Variants in DDHD1 observed in about 807,000 individuals in gnomAD.
The protein encoded by DDHD1 is phospholipase DDHD1.
Under a neutral mutation model 96.4 loss-of-function variants are expected in DDHD1, and 49 were observed. The observed-to-expected ratio is 0.51, with a 90% CI of 0.40 to 0.64. The LOEUF (loss-of-function observed/expected upper bound fraction) is 0.64, where lower values mean the gene tolerates loss of function less well. Ranked by LOEUF, DDHD1 falls within the 30% of genes least tolerant of loss-of-function variation. The pLI, the probability that DDHD1 is intolerant of heterozygous loss-of-function variation, is 0.00. For missense variants in DDHD1, 1,106 were observed against 1,161.2 expected (o/e 0.95, Z 0.69); for synonymous variants, 442 against 446.5 (o/e 0.99, Z 0.13).
At chr14:53,144,292 T>C (rs1890834471) in intron 1 of DDHD1, among the ~76,000 whole-genome samples, 1 of 152,366 alleles carries the variant, frequency 6.6e-6, no homozygotes, top group East Asian at 1.9e-4. Flanking sequence ...TAATAGTGAT[T>C]GGCTATACAA....
In DDHD1 at chr14:53,058,565, C is replaced by T. The variant is rs773246091; in HGVS notation, c.1904G>A (p.Arg635His). Residue 635 changes from arginine (R) to histidine (H), a missense_variant, in exon 9 of 13, where the codon CGC becomes CAC. By Grantham distance (29) the Arg-to-His change is conservative (BLOSUM62 0). Around this residue, in one of 2 missense-constraint regions of DDHD1, gnomAD observed 650 missense variants for 758.8 expected, o/e 0.86. Transcript: ENST00000673822. Reference protein sequence around the residue: ...LAVFLALRGIRPGNTGSQDHI... With the variant: ...LAVFLALRGIHPGNTGSQDHI... ...GTCTTGACTTCCAGTATTTCCTGGG[C>T]GGATGCCACGCAACGCCAAGAAAAC... The T allele has an allele frequency of 2.5e-6, 4 of 1,613,422 alleles. No individual in the cohort carries two copies. Among genetic ancestry groups the T allele is most frequent in the South Asian group, 1.1e-5 (1 of 90,868 alleles).
intron 1 of DDHD1, chr14:53,149,821 A>G (rs976024086): frequency 6.6e-6 from 1 of 152,208 alleles, no homozygotes; most frequent in African/African-American, 2.4e-5. Context: ...ACCAGTTTTC[A>G]CCTGATTTAT....
chr14:53,132,154 C>T lies in DDHD1; in HGVS notation c.838+20107G>A, dbSNP rs1394747053. Among the ~76,000 whole-genome samples, 3 of 152,160 alleles carry T rather than the reference C, an allele frequency of 2.0e-5. No individual in the cohort carries two copies. In the East Asian group the frequency reaches 5.8e-4, roughly 29 times the overall value. ...AAACAGCCCTAAAAGCTGCTCCCCA[C>T]TAGCTCTCCCTAACTCATCCCAACC... On this transcript the variant is annotated intron_variant, in intron 1 of 12. Coordinates refer to ENST00000673822, the MANE Select transcript of DDHD1 (RefSeq NM_001160148.2).
At chr14:53,083,102 C>T (rs1469926082) in intron 4 of DDHD1, among the ~76,000 whole-genome samples, 3 of 152,026 alleles carry the variant, frequency 2.0e-5, no homozygotes, top group Admixed American at 2.0e-4. Flanking sequence ...ACATGTATGT[C>T]CTGTTCAAAA....
chr14:53,090,656 T>C (rs1228591590), intron 4 of DDHD1, among the ~76,000 whole-genome samples: 1 of 152,136 alleles, frequency 6.6e-6, no homozygotes, highest in African/African-American at 2.4e-5. Context: ...TTCTCACTCA[T>C]ATGTGGGAAC....
At chr14:53,073,682 C>T in intron 5 of DDHD1, 59 bp downstream of exon 5, 1 of 1,432,472 alleles carries the variant, frequency 7.0e-7, no homozygotes, top group Non-Finnish European at 9.6e-7. Flanking sequence ...AAACTTTCTG[C>T]ATTTATTTTG....
At position 53,045,824 on chromosome 14, in the gene DDHD1, A is replaced by G. The variant is rs1336263716; in HGVS notation, c.*944T>C. On this transcript the variant is annotated 3_prime_UTR_variant, in exon 13 of 13. Transcript: ENST00000673822. ...AGTTAGTGGCATCACATCCCTTCAT[A>G]TATGTTGTTTGGCACACAAATGTTT... The G allele has an allele frequency of 6.6e-6, 1 of 152,126 alleles. No homozygotes were observed. Among genetic ancestry groups the G allele is most frequent in the Non-Finnish European group, 1.5e-5 (1 of 68,028 alleles). 9.4% of individuals were successfully genotyped at this position (152,126 alleles called of 1,614,324 possible). A position where few individuals can be genotyped will look rare whatever the true frequency, so the allele number is the denominator to read the frequency against.
chr14:53,038,492 A>C lies in DDHD1; in HGVS notation c.*8276T>G, dbSNP rs757995269. The C allele has an allele frequency of 2.6e-5, 4 of 152,214 alleles. No homozygotes were observed. The highest frequency in any genetic ancestry group is 2.0e-4 in the Admixed American group (3 of 15,276). The allele number at this position is 152,214 out of a possible 1,614,324, so 9.4% of individuals were successfully genotyped here. ...GAAAGATCTCTACAAGGAGAACTAC[A>C]AAACATGGCAGAAAGAAATCAGGGA... On this transcript the variant is annotated 3_prime_UTR_variant, in exon 13 of 13. Transcript: ENST00000673822.
intron 4 of DDHD1, among the ~76,000 whole-genome samples, chr14:53,085,597 C>CT (rs552318430): frequency 1.5e-3 from 232 of 152,292 alleles, no homozygotes; most frequent in Middle Eastern, 0.014. Context: ...AAAGGAATAG[C>CT]AGCAGCATCA....
intron 4 of DDHD1, among the ~76,000 whole-genome samples, chr14:53,080,006 C>A (rs1369759110): frequency 6.6e-6 from 1 of 152,082 alleles, no homozygotes; most frequent in Non-Finnish European, 1.5e-5. Flanking sequence ...TAACTACAGC[C>A]TGGCCAAAAA....
rs1890426962 is a variant in DDHD1 at position 53,138,811 on chromosome 14, T to C, written c.838+13450A>G. Among the ~76,000 whole-genome samples the C allele has an allele frequency of 2.0e-5, 3 of 152,118 alleles. 1 individual carries two copies. In the South Asian group the frequency reaches 6.2e-4, roughly 32 times the overall value. On this transcript the variant is annotated intron_variant, in intron 1 of 12. Transcript: ENST00000673822. ...TTCAGACACCAGAGGAAATTACACC[T>C]TGTTGCAGGTTCTTCTCCACAGATA...
Position 53,105,434 on chromosome 14 carries a change from T to A in DDHD1, c.839-1578A>T, listed in dbSNP as rs562143309. On this transcript the variant is annotated intron_variant, in intron 1 of 12. Coordinates refer to ENST00000673822, the MANE Select transcript of DDHD1 (RefSeq NM_001160148.2). The stretch of plus-strand genomic sequence containing the variant: ...TATTGCTACTTGCATTCTCCTATAT[T>A]CTGCTATAGTGATTCTGGTATATTT... 2.6e-4 allele frequency among the ~76,000 whole-genome samples: 39 copies of A among 152,298 alleles called. No homozygotes were observed. The South Asian group carries it at 5.8e-3, about 23-fold the overall frequency.
In DDHD1 at chr14:53,050,064, T is replaced by C. The variant is rs77093238; in HGVS notation, c.2521+1780A>G. Among the ~76,000 whole-genome samples, 40 of 152,288 alleles carry C rather than the reference T, an allele frequency of 2.6e-4. 1 individual carries two copies. In the East Asian group the frequency reaches 7.4e-3, roughly 28 times the overall value. On this transcript the variant is annotated intron_variant, in intron 12 of 12. Coordinates refer to ENST00000673822, the MANE Select transcript of DDHD1 (RefSeq NM_001160148.2). ...ACATATAATAAGTAATTATAATATA[T>C]GGTAGAATGTGATGAACCACAAAAC...
At chr14:53,083,375 T>C (rs1265829406) in intron 4 of DDHD1, among the ~76,000 whole-genome samples, 1 of 152,196 alleles carries the variant, frequency 6.6e-6, no homozygotes, top group African/African-American at 2.4e-5. Flanking sequence ...CCCTTGTAAT[T>C]AAACTCCACA....
chr14:53,118,690 T>C (rs760524727), intron 1 of DDHD1, among the ~76,000 whole-genome samples: 1 of 152,192 alleles, frequency 6.6e-6, no homozygotes, highest in Non-Finnish European at 1.5e-5. Flanking sequence ...GTTTGATTGG[T>C]GTACCAGAAA....
intron 6 of DDHD1, among the ~76,000 whole-genome samples, chr14:53,070,268 T>C (rs748607113): frequency 2.6e-5 from 4 of 152,192 alleles, no homozygotes; most frequent in Non-Finnish European, 5.9e-5. Flanking sequence ...ATTCATTATT[T>C]TCTTTATGTT....
intron 4 of DDHD1, among the ~76,000 whole-genome samples, chr14:53,080,980 A>C (rs960654276): frequency 6.6e-6 from 1 of 152,120 alleles, no homozygotes; most frequent in African/African-American, 2.4e-5. Context: ...TCTATATGCA[A>C]ATCTAGTTAT....
Position 53,038,550 on chromosome 14 carries a change from C to T in DDHD1, c.*8218G>A, listed in dbSNP as rs1035639382. Reference sequence around the variant, plus strand: ...AAAAAATGGAAAAACATTCCATGTTCATGGATTGGAAGAATCAATATAGTT... The same window carrying T: ...AAAAAATGGAAAAACATTCCATGTTTATGGATTGGAAGAATCAATATAGTT... On this transcript the variant is annotated 3_prime_UTR_variant, in exon 13 of 13. Transcript: ENST00000673822. 4 of 152,162 alleles carry T rather than the reference C, an allele frequency of 2.6e-5. No individual in the cohort carries two copies. Among genetic ancestry groups the T allele is most frequent in the Admixed American group, 2.6e-4 (4 of 15,266 alleles). The allele number at this position is 152,162 out of a possible 1,614,324, so 9.4% of individuals were successfully genotyped here. A position where few individuals can be genotyped will look rare whatever the true frequency, so the allele number is the denominator to read the frequency against.
intron 1 of DDHD1, among the ~76,000 whole-genome samples, chr14:53,148,615 G>T (rs1019736585): frequency 2.0e-5 from 3 of 152,152 alleles, no homozygotes; most frequent in Non-Finnish European, 2.9e-5. Flanking sequence ...GCCTGGCCTA[G>T]AATTGCTGAA....
Sources: gnomAD v4.1 joint callset for allele counts (sites outside exome capture counted in the v4.1 genomes callset) on GRCh38, gnomAD v4.1.1 for gene constraint, gnomAD v4.1.1 regional missense constraint, MANE v1.5 for transcripts, NCBI Gene and HGNC (gene_info 2026-07-23, HGNC 2026-07-21) for gene names.